The following LRRC7 variants were observed in gnomAD, a reference collection of about 807,000 sequenced individuals.
LRRC7 encodes the protein leucine-rich repeat-containing protein 7.
Under a neutral mutation model 175.7 loss-of-function variants are expected in LRRC7, and 23 were observed. That is an observed-to-expected ratio of 0.13 (90% CI 0.09 to 0.19). The LOEUF is 0.19. Among genes scored for constraint, LRRC7 ranks in the 10% least tolerant of loss-of-function variants. LRRC7 has a pLI of 1.00. For missense variants in LRRC7, 1,354 were observed against 1,904.7 expected, an observed-to-expected ratio of 0.71 and a Z score of 5.38; for synonymous variants, 685 against 680.9, an observed-to-expected ratio of 1.01 and a Z score of -0.09.
chr1:69,974,034 A>G (rs1328146723), intron 8 of LRRC7, among the ~76,000 whole-genome samples: 4 of 152,214 alleles, frequency 2.6e-5, no homozygotes, highest in Non-Finnish European at 5.9e-5. Flanking sequence ...CCTCTATTCC[A>G]TATTTCTATT....
intron 7 of LRRC7, among the ~76,000 whole-genome samples, chr1:69,887,598 G>A (rs929585690): frequency 1.3e-5 from 2 of 152,140 alleles, no homozygotes; most frequent in Non-Finnish European, 2.9e-5. Flanking sequence ...TTGATCGTCT[G>A]AAGCCTTCTT....
chr1:69,642,386 C>T (rs1254151948), intron 1 of LRRC7, among the ~76,000 whole-genome samples: 2 of 150,912 alleles, frequency 1.3e-5, no homozygotes, highest in African/African-American at 4.9e-5. Flanking sequence ...GTAATATTTC[C>T]CAAGAAAAAA....
At chr1:69,802,402 G>A (rs77458696) in intron 4 of LRRC7, among the ~76,000 whole-genome samples, 162 of 151,422 alleles carry the variant, frequency 1.1e-3, no homozygotes, top group African/African-American at 3.5e-3. Flanking sequence ...CGCTCCAGTG[G>A]TGAGTGCATA....
At chr1:69,618,809 C>G (rs1650089591) in intron 1 of LRRC7, among the ~76,000 whole-genome samples, 1 of 152,154 alleles carries the variant, frequency 6.6e-6, no homozygotes, top group Non-Finnish European at 1.5e-5. Context: ...TGCCTGCTTT[C>G]CAAGTTATCA....
intron 1 of LRRC7, among the ~76,000 whole-genome samples, chr1:69,635,118 C>G (rs1247666954): frequency 6.6e-6 from 1 of 152,012 alleles, no homozygotes; most frequent in East Asian, 1.9e-4. Flanking sequence ...GTTTGTTCCC[C>G]TCTATGTGTC....
intron 1 of LRRC7, among the ~76,000 whole-genome samples, chr1:69,654,792 G>A (rs1300060713): frequency 6.6e-6 from 1 of 152,054 alleles, no homozygotes; most frequent in African/African-American, 2.4e-5. Context: ...TAATGAATAT[G>A]GCAACTTGCC....
intron 4 of LRRC7, among the ~76,000 whole-genome samples, chr1:69,815,113 C>A (rs1303505346): frequency 6.6e-6 from 1 of 152,142 alleles, no homozygotes; most frequent in Non-Finnish European, 1.5e-5. Flanking sequence ...TGTGTGCTCT[C>A]CAGGCCTGCT....
intron 7 of LRRC7, among the ~76,000 whole-genome samples, chr1:69,865,867 C>T (rs552175942): frequency 1.3e-5 from 2 of 152,218 alleles, no homozygotes; most frequent in African/African-American, 4.8e-5. Context: ...CCAGGATAAC[C>T]TCAGATTCAC....
intron 1 of LRRC7, among the ~76,000 whole-genome samples, chr1:69,649,769 C>T (rs1464680256): frequency 6.6e-6 from 1 of 151,970 alleles, no homozygotes; most frequent in African/African-American, 2.4e-5. Flanking sequence ...TCACAAACTG[C>T]CTCCAGCTTT....
intron 3 of LRRC7, among the ~76,000 whole-genome samples, chr1:69,762,320 A>T (rs948784338): frequency 9.2e-5 from 14 of 152,038 alleles, no homozygotes; most frequent in Non-Finnish European, 1.6e-4. Flanking sequence ...AGAGAAATAA[A>T]TCTCGATCTC....
intron 8 of LRRC7, among the ~76,000 whole-genome samples, chr1:69,975,838 C>A (rs1173315628): frequency 6.6e-6 from 1 of 152,080 alleles, no homozygotes; most frequent in Non-Finnish European, 1.5e-5. Flanking sequence ...TCAGTGTCAG[C>A]CCCTCCCCTT....
intron 2 of LRRC7, among the ~76,000 whole-genome samples, chr1:69,724,678 A>C (rs1460604470): frequency 6.6e-6 from 1 of 152,188 alleles, no homozygotes; most frequent in African/African-American, 2.4e-5. Flanking sequence ...TTACCTGCTG[A>C]GTACTATTCT....
At chr1:70,079,072 T>C (rs972417517) in intron 24 of LRRC7, among the ~76,000 whole-genome samples, 1 of 152,226 alleles carries the variant, frequency 6.6e-6, no homozygotes, top group African/African-American at 2.4e-5. Context: ...TCCTAAGTTA[T>C]ATTTCTTTTG....
intron 20 of LRRC7, among the ~76,000 whole-genome samples, 183 bp from the exon 21 acceptor site, chr1:70,037,926 AAGTT>A (rs1659468921): frequency 6.6e-6 from 1 of 152,212 alleles, no homozygotes; most frequent in Non-Finnish European, 1.5e-5. Context: ...TAGGAAAAAA[AAGTT>A]AAAGCAGGAT....
At chr1:69,810,431 T>C (rs1677692993) in intron 4 of LRRC7, among the ~76,000 whole-genome samples, 1 of 152,104 alleles carries the variant, frequency 6.6e-6, no homozygotes, top group Non-Finnish European at 1.5e-5. Context: ...ATTTTAAATT[T>C]CATATGGAAA....
chr1:69,974,798 T>C (rs1214884897), intron 8 of LRRC7, among the ~76,000 whole-genome samples: 4 of 152,198 alleles, frequency 2.6e-5, no homozygotes, highest in Admixed American at 1.3e-4. Context: ...AATAAAAATA[T>C]CTTTTTTTAG....
intron 7 of LRRC7, among the ~76,000 whole-genome samples, chr1:69,870,914 G>T (rs563248837): frequency 6.6e-6 from 1 of 152,074 alleles, no homozygotes; most frequent in Non-Finnish European, 1.5e-5. Context: ...CAAGCATGAC[G>T]TAGCTTGAAC....
chr1:69,965,921 A>G (rs1241554612), intron 8 of LRRC7, among the ~76,000 whole-genome samples: 1 of 152,206 alleles, frequency 6.6e-6, no homozygotes, highest in Non-Finnish European at 1.5e-5. Flanking sequence ...CACTTGTGAG[A>G]ACTAAAGGGC....
chr1:69,724,725 T>G (rs1666753066), intron 2 of LRRC7, among the ~76,000 whole-genome samples: 1 of 152,154 alleles, frequency 6.6e-6, no homozygotes. Context: ...AGATGAGAAG[T>G]CACAGAGACT....
Sources: gnomAD v4.1 joint callset for allele counts (sites outside exome capture counted in the v4.1 genomes callset) on GRCh38, gnomAD v4.1.1 for gene constraint, MANE v1.5 for transcripts, NCBI Gene and HGNC (gene_info 2026-07-23, HGNC 2026-07-21) for gene names.